Variants in GRM1 observed in about 807,000 individuals in gnomAD.
GRM1 encodes glutamate metabotropic receptor 1, also known as metabotropic glutamate receptor 1.
A neutral mutation model predicts 90.9 loss-of-function variants in GRM1; 33 were observed. That is an observed-to-expected ratio of 0.36 (90% confidence interval 0.28 to 0.49). GRM1 has a LOEUF of 0.49. GRM1 is among the 20% of genes least tolerant of loss of function. The pLI is 0.99. For synonymous variants in GRM1, 700 were observed against 613.2 expected, an observed-to-expected ratio of 1.14 and a Z score of -2.09; for missense variants, 1,190 against 1,534.3, an observed-to-expected ratio of 0.78 and a Z score of 3.75.
chr6:146,044,035 G>A (rs572251670), intron 1 of GRM1, among the ~76,000 whole-genome samples: 12 of 151,844 alleles, frequency 7.9e-5, no homozygotes, highest in African/African-American at 2.9e-4. Context: ...CAGATTATTT[G>A]AAATTCCTTT....
chr6:146,276,014 G>C (rs1246569811), intron 2 of GRM1, among the ~76,000 whole-genome samples: 1 of 151,958 alleles, frequency 6.6e-6, no homozygotes, highest in Non-Finnish European at 1.5e-5. Flanking sequence ...GAGAGAGAGA[G>C]CACAAAGGGT....
At chr6:146,134,686 T>C (rs1242026474) in intron 1 of GRM1, among the ~76,000 whole-genome samples, 1 of 152,074 alleles carries the variant, frequency 6.6e-6, no homozygotes, top group East Asian at 1.9e-4. Flanking sequence ...ATCCTAGCAC[T>C]TTGGGAGGCC....
chr6:146,209,519 A>G (rs112681146), intron 2 of GRM1, among the ~76,000 whole-genome samples: 30 of 152,330 alleles, frequency 2.0e-4, no homozygotes, highest in African/African-American at 6.7e-4. Flanking sequence ...GGCTTCAGGC[A>G]CATGAGATAC....
At chr6:146,046,334 A>G (rs1374491729) in intron 1 of GRM1, among the ~76,000 whole-genome samples, 1 of 152,042 alleles carries the variant, frequency 6.6e-6, no homozygotes, top group African/African-American at 2.4e-5. Context: ...ATGATAGATT[A>G]TATGCTAAAA....
intron 1 of GRM1, among the ~76,000 whole-genome samples, chr6:146,146,061 G>A (rs1429627074): frequency 7.6e-6 from 1 of 132,168 alleles, no homozygotes; most frequent in East Asian, 2.4e-4. Flanking sequence ...TTTCTTTTTG[G>A]AATGTAAATA....
intron 2 of GRM1, among the ~76,000 whole-genome samples, chr6:146,194,268 T>G (rs1217464265): frequency 1.3e-5 from 2 of 152,180 alleles, no homozygotes; most frequent in African/African-American, 2.4e-5. Context: ...GTCTTCATTA[T>G]CCACTAATGA....
intron 2 of GRM1, among the ~76,000 whole-genome samples, chr6:146,233,266 C>G (rs536999433): frequency 6.6e-6 from 1 of 152,070 alleles, no homozygotes; most frequent in Non-Finnish European, 1.5e-5. Context: ...CTAAGCATTG[C>G]TTTAGCTGCA....
intron 1 of GRM1, among the ~76,000 whole-genome samples, chr6:146,100,379 A>T (rs1777010656): frequency 1.3e-5 from 2 of 152,186 alleles, no homozygotes; most frequent in Non-Finnish European, 2.9e-5. Context: ...ACCCCCTGTC[A>T]CAAAATTATG....
At chr6:146,411,649 G>A (rs1023682817) in intron 7 of GRM1, among the ~76,000 whole-genome samples, 15 of 152,310 alleles carry the variant, frequency 9.8e-5, no homozygotes, top group African/African-American at 3.6e-4. Flanking sequence ...AGGGTCCAGG[G>A]AAGAGATTAC....
chr6:146,304,622 C>G lies in GRM1; in HGVS notation c.962C>G (p.Ala321Gly). 6.2e-7 allele frequency: 1 copy of G among 1,610,914 alleles called. No homozygotes were observed. Among genetic ancestry groups the G allele is most frequent in the Non-Finnish European group, 8.5e-7 (1 of 1,177,264 alleles). Residue 321 changes from alanine (A) to glycine (G), a missense_variant, in exon 3 of 8, where the codon GCA becomes GGA. Physicochemically the swap from Ala to Gly is moderately conservative, Grantham distance 60. Around this residue, in one of 10 missense-constraint regions of GRM1, gnomAD observed 414 missense variants for 598.4 expected, o/e 0.69. Coordinates refer to ENST00000282753, the MANE Select transcript of GRM1 (RefSeq NM_001278064.2). ...EFSLIGSDGW[A>G]DRDEVIEGYE... ...CCTGCATTTTTTAGTGATGGATGGGCAGACAGAGATGAAGTCATTGAAGGT... is the reference window on the plus strand; with the variant it reads ...CCTGCATTTTTTAGTGATGGATGGGGAGACAGAGATGAAGTCATTGAAGGT...
At chr6:146,195,930 A>G (rs1779099491) in intron 2 of GRM1, among the ~76,000 whole-genome samples, 1 of 152,200 alleles carries the variant, frequency 6.6e-6, no homozygotes, top group South Asian at 2.1e-4. Flanking sequence ...TGAGAGAGAG[A>G]TAGCTATGAA....
intron 1 of GRM1, among the ~76,000 whole-genome samples, chr6:146,157,527 C>T (rs1777564370): frequency 6.6e-6 from 1 of 152,112 alleles, no homozygotes; most frequent in African/African-American, 2.4e-5. Context: ...ATAGAAGAAG[C>T]AAATACATTG....
intron 1 of GRM1, among the ~76,000 whole-genome samples, chr6:146,052,695 T>A (rs1430775473): frequency 6.6e-6 from 1 of 152,088 alleles, no homozygotes; most frequent in Non-Finnish European, 1.5e-5. Flanking sequence ...TGTGGCTGGC[T>A]GCTTCTTTTC....
At chr6:146,409,408 AT>A (rs937092745) in intron 7 of GRM1, among the ~76,000 whole-genome samples, 2 of 152,184 alleles carry the variant, frequency 1.3e-5, no homozygotes, top group African/African-American at 4.8e-5. Context: ...TAGAGGATCC[AT>A]TTGTTATGAA....
At chr6:146,339,526 T>C (rs1024209398) in intron 3 of GRM1, among the ~76,000 whole-genome samples, 5 of 152,224 alleles carry the variant, frequency 3.3e-5, no homozygotes, top group Non-Finnish European at 5.9e-5. Context: ...CTTATAGTCA[T>C]CATATCAGGT....
chr6:146,205,294 A>T (rs991450219), intron 2 of GRM1, among the ~76,000 whole-genome samples: 1 of 152,212 alleles, frequency 6.6e-6, no homozygotes, highest in African/African-American at 2.4e-5. Flanking sequence ...TTCATAGCAT[A>T]CAAAATTTAT....
intron 5 of GRM1, among the ~76,000 whole-genome samples, chr6:146,384,230 G>T (rs1198331170): frequency 6.6e-6 from 1 of 152,092 alleles, no homozygotes; most frequent in Non-Finnish European, 1.5e-5. Flanking sequence ...GTATTTGATT[G>T]AATACTAGTC....
chr6:146,140,110 T>TTTCTTTCG (rs1344795241), intron 1 of GRM1, among the ~76,000 whole-genome samples: 1 of 125,238 alleles, frequency 8.0e-6, no homozygotes, highest in African/African-American at 3.1e-5. Context: ...TCTTTCTTTC[T>TTTCTTTCG]TTCTTTCTTT....
chr6:146,115,221 TACACAC>T (rs67497002), intron 1 of GRM1, among the ~76,000 whole-genome samples: 14,689 of 148,646 alleles, frequency 0.099, 832 homozygotes, highest in South Asian at 0.14. Flanking sequence ...ATTAAATGCA[TACACAC>T]ACACACACAC....
Sources: allele counts gnomAD v4.1 joint callset (sites outside exome capture counted in the v4.1 genomes callset), GRCh38; gene constraint gnomAD v4.1.1; regional missense constraint gnomAD v4.1.1; transcripts MANE v1.5; gene names NCBI Gene and HGNC (gene_info 2026-07-23, HGNC 2026-07-21).